LMBRD2: variants seen among roughly 807,000 people sequenced by gnomAD.
LMBRD2 encodes the protein G protein-coupled receptor-associated protein LMBRD2.
In LMBRD2, 55 loss-of-function variants were observed where a neutral mutation model predicts 94.4. That is an observed-to-expected ratio of 0.58 (90% CI 0.47 to 0.73). The LOEUF (loss-of-function observed/expected upper bound fraction) is 0.73. Among genes scored for constraint, LMBRD2 ranks in the 30% least tolerant of loss-of-function variants. The pLI, the probability that LMBRD2 is intolerant of heterozygous loss-of-function variation, is 0.00. For synonymous variants in LMBRD2, 246 were observed against 272.4 expected (o/e 0.90, Z 0.95); for missense variants, 640 against 831.9 (o/e 0.77, Z 2.84).
intron 3 of LMBRD2, among the ~76,000 whole-genome samples, chr5:36,142,059 T>C (rs1357473432): frequency 3.3e-5 from 5 of 152,238 alleles, no homozygotes; most frequent in African/African-American, 9.6e-5. Flanking sequence ...TAATTTTTTA[T>C]GTAAATCTAT....
intron 4 of LMBRD2, among the ~76,000 whole-genome samples, chr5:36,139,570 C>T (rs1362862548): frequency 1.3e-5 from 2 of 152,182 alleles, no homozygotes; most frequent in Admixed American, 6.5e-5. Context: ...CTGCCTATGG[C>T]CCAATCAGTG....
rs1743320036 is a variant in LMBRD2, at chr5:36,100,230, G to T, written c.*3816C>A. 6.6e-6 allele frequency: 1 copy of T among 152,004 alleles called. No individual in the cohort carries two copies. Among genetic ancestry groups the T allele is most frequent in the African/African-American group, 2.4e-5 (1 of 41,398 alleles). The allele number at this position is 152,004 out of a possible 1,614,324, so 9.4% of individuals were successfully genotyped here. A position where few individuals can be genotyped will look rare whatever the true frequency, so the allele number is the denominator to read the frequency against. On this transcript the variant is annotated 3_prime_UTR_variant, in exon 18 of 18. Transcript: ENST00000296603. ...TAAATAAATCTTAAATTTTGGGGGG[G>T]AAATCTATTTTTATGTAAAAATATT...
At position 36,102,486 on chromosome 5, in the gene LMBRD2, A is replaced by T. The variant is rs1743367288; in HGVS notation, c.*1560T>A. 6.6e-6 allele frequency: 1 copy of T among 151,820 alleles called. No individual in the cohort carries two copies. Among genetic ancestry groups the T allele is most frequent in the Non-Finnish European group, 1.5e-5 (1 of 67,810 alleles). 9.4% of individuals were successfully genotyped at this position (151,820 alleles called of 1,614,324 possible). A position where few individuals can be genotyped will look rare whatever the true frequency, so the allele number is the denominator to read the frequency against. ...ACTGTATGTGTGTGTTCTTAAGTGT[A>T]GTCTATATGACCTTCAATTCAGAGT... On this transcript the variant is annotated 3_prime_UTR_variant, in exon 18 of 18. Coordinates refer to ENST00000296603, the MANE Select transcript of LMBRD2 (RefSeq NM_001007527.2).
In LMBRD2 at chr5:36,151,741, G is replaced by A. The variant is rs543324208; in HGVS notation, c.-243C>T. 155 of 171,776 alleles carry A rather than the reference G, an allele frequency of 9.0e-4. No individual in the cohort carries two copies. The highest frequency in any genetic ancestry group is 3.6e-3 in the African/African-American group (153 of 42,038). 10.6% of individuals were successfully genotyped at this position (171,776 alleles called of 1,614,324 possible). A position where few individuals can be genotyped will look rare whatever the true frequency, so the allele number is the denominator to read the frequency against. On this transcript the variant is annotated 5_prime_UTR_variant, in exon 1 of 18. Coordinates refer to ENST00000296603, the MANE Select transcript of LMBRD2 (RefSeq NM_001007527.2). The surrounding 1 kb of genome is among the most constrained non-coding windows in gnomAD (Gnocchi z 4.7). ...GTCCGATCTCGCCAGACAGCGTCTG[G>A]ACGGGACCGGGAAACGGCGGCCGCC...
chr5:36,144,075 A>C (rs1185249773), intron 1 of LMBRD2, among the ~76,000 whole-genome samples: 3 of 152,066 alleles, frequency 2.0e-5, no homozygotes, highest in Admixed American at 2.0e-4. Context: ...CTACTATTTT[A>C]TATGCAGAAA....
At chr5:36,146,820 T>C (rs1744551736) in intron 1 of LMBRD2, among the ~76,000 whole-genome samples, 1 of 152,202 alleles carries the variant, frequency 6.6e-6, no homozygotes, top group South Asian at 2.1e-4. Context: ...ATATTTAAAG[T>C]GCACAACAGT....
intron 1 of LMBRD2, among the ~76,000 whole-genome samples, chr5:36,146,951 T>A (rs951101101): frequency 0.025 from 3,755 of 150,504 alleles, 132 homozygotes; most frequent in African/African-American, 0.082. Flanking sequence ...AGTGTGTGTG[T>A]GTGTGTGTGT....
chr5:36,113,018 G>A (rs75465290), intron 13 of LMBRD2, among the ~76,000 whole-genome samples: 6,400 of 152,182 alleles, frequency 0.042, 208 homozygotes, highest in East Asian at 0.12. Context: ...CATATTAAAA[G>A]TATTATTTTA....
chr5:36,122,559 G>T, intron 8 of LMBRD2, 96 bp from the exon 9 acceptor site: 1 of 1,090,924 alleles, frequency 9.2e-7, no homozygotes, highest in South Asian at 1.4e-5. Flanking sequence ...ATAACAATGG[G>T]AAAGTGCTAG....
chr5:36,104,607 T>C (rs910217826), intron 17 of LMBRD2, among the ~76,000 whole-genome samples: 1 of 152,046 alleles, frequency 6.6e-6, no homozygotes, highest in Non-Finnish European at 1.5e-5. Context: ...GGCACTTTAC[T>C]GAGCCTCTCT....
intron 6 of LMBRD2, among the ~76,000 whole-genome samples, chr5:36,125,318 G>A (rs569028416): frequency 1.0e-3 from 154 of 152,214 alleles, no homozygotes; most frequent in African/African-American, 3.7e-3. Flanking sequence ...GAACATTCTG[G>A]GGCATAGAGT....
At chr5:36,121,862 C>T (rs1743894062) in intron 9 of LMBRD2, among the ~76,000 whole-genome samples, 1 of 152,140 alleles carries the variant, frequency 6.6e-6, no homozygotes, top group South Asian at 2.1e-4. Flanking sequence ...GGTTTGTAGC[C>T]TAGGAGTAAT....
intron 4 of LMBRD2, among the ~76,000 whole-genome samples, chr5:36,137,963 A>G (rs1184429642): frequency 6.6e-6 from 1 of 152,252 alleles, no homozygotes; most frequent in Non-Finnish European, 1.5e-5. Flanking sequence ...AAATAACATC[A>G]GTAGATACTC....
At chr5:36,110,376 CT>C (rs966732639) in intron 14 of LMBRD2, among the ~76,000 whole-genome samples, 29 of 151,942 alleles carry the variant, frequency 1.9e-4, no homozygotes, top group African/African-American at 4.3e-4. Flanking sequence ...GATGTTTTCA[CT>C]TTTTTTCCCC....
chr5:36,121,966 T>C (rs568397913), intron 9 of LMBRD2, among the ~76,000 whole-genome samples: 2 of 152,298 alleles, frequency 1.3e-5, no homozygotes, highest in East Asian at 1.9e-4. Context: ...TAACAATACA[T>C]TTCTCAGAGT....
chr5:36,105,256 A>C, intron 16 of LMBRD2, 59 bp from the exon 17 acceptor site: 1 of 1,492,450 alleles, frequency 6.7e-7, no homozygotes, highest in Non-Finnish European at 9.2e-7. Context: ...TATGGGTCAC[A>C]GTCTATGGAG....
intron 4 of LMBRD2, among the ~76,000 whole-genome samples, chr5:36,137,868 T>G (rs1464284901): frequency 6.6e-6 from 1 of 152,194 alleles, no homozygotes; most frequent in African/African-American, 2.4e-5. Context: ...CAAGAGGAGC[T>G]GCACACAAAC....
At chr5:36,140,264 T>C (rs1459678139) in intron 4 of LMBRD2, among the ~76,000 whole-genome samples, 1 of 152,222 alleles carries the variant, frequency 6.6e-6, no homozygotes, top group East Asian at 1.9e-4. Flanking sequence ...AGCCAGCGTG[T>C]CTGGCTGTGC....
chr5:36,131,422 T>C (rs544094905), intron 6 of LMBRD2, among the ~76,000 whole-genome samples: 1 of 151,996 alleles, frequency 6.6e-6, no homozygotes, highest in African/African-American at 2.4e-5. Context: ...TTAAGATCCA[T>C]AACAAGACAA....
Sources: allele counts gnomAD v4.1 joint callset (sites outside exome capture counted in the v4.1 genomes callset), GRCh38; gene constraint gnomAD v4.1.1; non-coding constraint Gnocchi (gnomAD v3.1); transcripts MANE v1.5; gene names NCBI Gene and HGNC (gene_info 2026-07-23, HGNC 2026-07-21).